EYS: variants seen among roughly 807,000 people sequenced by gnomAD.
The protein encoded by EYS is EGF-like photoreceptor maintenance factor.
Under a neutral mutation model 282.1 loss-of-function variants are expected in EYS, and 250 were observed. The observed-to-expected ratio is 0.89, with a 90% confidence interval of 0.80 to 0.98. The LOEUF is 0.98. EYS is among the 50% of genes least tolerant of loss of function. The pLI is 0.00. For synonymous variants in EYS, 1,355 were observed against 1,282.9 expected (o/e 1.06, Z -1.20); for missense variants, 4,016 against 3,709.0 (o/e 1.08, Z -2.15).
intron 26 of EYS, among the ~76,000 whole-genome samples, chr6:64,493,883 C>A (rs533317612): frequency 6.6e-6 from 1 of 151,582 alleles, no homozygotes; most frequent in African/African-American, 2.4e-5. Context: ...ATTTTTCCTT[C>A]TTTTCAGAAC....
intron 11 of EYS, among the ~76,000 whole-genome samples, chr6:65,316,101 G>A (rs1769288532): frequency 1.3e-5 from 2 of 152,068 alleles, no homozygotes; most frequent in African/African-American, 2.4e-5. Context: ...TCTAGTTATA[G>A]TTAATTTGTA....
chr6:64,137,468 T>C (rs2150285720), intron 31 of EYS, among the ~76,000 whole-genome samples: 1 of 152,288 alleles, frequency 6.6e-6, no homozygotes, highest in African/African-American at 2.4e-5. Flanking sequence ...CTCACGATGC[T>C]TGATCATTTC....
Position 64,843,155 on chromosome 6 carries a change from G to A in EYS, c.2993-20333C>T, listed in dbSNP as rs186744152. On this transcript the variant is annotated intron_variant, in intron 19 of 42. Coordinates refer to ENST00000503581, the MANE Select transcript of EYS (RefSeq NM_001142800.2). ...TCCAGCAGATGTATGGAAATGCCTG[G>A]ATGCCCAGGGAAAAGCTTGTTGCAG... 2.4e-3 allele frequency among the ~76,000 whole-genome samples: 362 copies of A among 152,262 alleles called. 1 individual carries two copies. The highest frequency in any genetic ancestry group is 6.8e-3 in the Middle Eastern group (2 of 292).
chr6:65,698,961 T>C (rs1039481833), intron 1 of EYS, among the ~76,000 whole-genome samples: 5 of 152,224 alleles, frequency 3.3e-5, no homozygotes, highest in Non-Finnish European at 5.9e-5. Context: ...AATGTGTATT[T>C]CTTCAAACTA....
intron 19 of EYS, among the ~76,000 whole-genome samples, chr6:64,828,544 A>G (rs1765126135): frequency 6.6e-6 from 1 of 151,992 alleles, no homozygotes; most frequent in African/African-American, 2.4e-5. Flanking sequence ...GACCAAAACT[A>G]AAATATATGT....
intron 13 of EYS, among the ~76,000 whole-genome samples, chr6:65,037,737 G>A (rs1583422929): frequency 6.6e-6 from 1 of 151,662 alleles, no homozygotes; most frequent in East Asian, 1.9e-4. Flanking sequence ...CAACTGTGTA[G>A]TTTTAGCACC....
intron 31 of EYS, among the ~76,000 whole-genome samples, chr6:64,184,593 C>T (rs1764880967): frequency 6.6e-6 from 1 of 150,420 alleles, no homozygotes; most frequent in South Asian, 2.1e-4. Context: ...TGGCATCTTA[C>T]ACTTTTTCTC....
intron 19 of EYS, among the ~76,000 whole-genome samples, chr6:64,878,365 G>A (rs1311872661): frequency 1.3e-5 from 2 of 152,160 alleles, no homozygotes; most frequent in African/African-American, 2.4e-5. Context: ...TTGTTAGTGC[G>A]AAGATAAAGA....
At chr6:65,240,169 C>T (rs1767022706) in intron 12 of EYS, among the ~76,000 whole-genome samples, 1 of 151,986 alleles carries the variant, frequency 6.6e-6, no homozygotes, top group Admixed American at 6.6e-5. Flanking sequence ...GGGGTTTCAC[C>T]ATGTTAGTCA....
At chr6:64,968,259 A>T (rs902619612) in intron 14 of EYS, among the ~76,000 whole-genome samples, 1 of 152,158 alleles carries the variant, frequency 6.6e-6, no homozygotes, top group African/African-American at 2.4e-5. Flanking sequence ...ACTTGACCCA[A>T]GATTTTTTTT....
chr6:64,477,758 A>C (rs1776317308), intron 26 of EYS, among the ~76,000 whole-genome samples: 1 of 152,152 alleles, frequency 6.6e-6, no homozygotes, highest in Non-Finnish European at 1.5e-5. Context: ...CTCTACTGAG[A>C]TATTGCTTCA....
intron 2 of EYS, among the ~76,000 whole-genome samples, chr6:65,607,812 A>G (rs896156950): frequency 1.3e-5 from 2 of 151,784 alleles, no homozygotes; most frequent in South Asian, 4.1e-4. Flanking sequence ...ATAAAATGCC[A>G]CTCTTATTGT....
intron 35 of EYS, among the ~76,000 whole-genome samples, chr6:63,958,621 A>G (rs1246311667): frequency 6.6e-6 from 1 of 152,244 alleles, no homozygotes; most frequent in Non-Finnish European, 1.5e-5. Flanking sequence ...TATTGGAAGA[A>G]GATGCCTTCT....
chr6:65,169,953 G>C (rs967216345), intron 12 of EYS, among the ~76,000 whole-genome samples: 7 of 151,476 alleles, frequency 4.6e-5, no homozygotes, highest in African/African-American at 1.7e-4. Flanking sequence ...GCCTTGAATT[G>C]TATGCAATAA....
chr6:64,390,016 G>T (rs1445201409), intron 28 of EYS, among the ~76,000 whole-genome samples: 1 of 149,882 alleles, frequency 6.7e-6, no homozygotes. Flanking sequence ...GGTGATGGAT[G>T]GCACCTGGAA....
intron 36 of EYS, among the ~76,000 whole-genome samples, chr6:63,862,091 A>C (rs1181710643): frequency 6.6e-6 from 1 of 151,962 alleles, no homozygotes; most frequent in East Asian, 1.9e-4. Flanking sequence ...CATACTCCTT[A>C]TTCTTTAGGC....
intron 5 of EYS, among the ~76,000 whole-genome samples, chr6:65,466,045 A>T (rs1476875919): frequency 6.6e-6 from 1 of 152,114 alleles, no homozygotes; most frequent in African/African-American, 2.4e-5. Context: ...AGAAAGAAGA[A>T]ATGTTAATGG....
At chr6:64,586,818 T>C (rs1230178919) in intron 26 of EYS, among the ~76,000 whole-genome samples, 1 of 152,102 alleles carries the variant, frequency 6.6e-6, no homozygotes, top group Admixed American at 6.6e-5. Context: ...ACTCTATTTT[T>C]CCTATCCATT....
At chr6:63,995,235 G>A (rs1261193499) in intron 34 of EYS, among the ~76,000 whole-genome samples, 2 of 151,936 alleles carry the variant, frequency 1.3e-5, no homozygotes, top group Non-Finnish European at 2.9e-5. Flanking sequence ...TTAAAAAATA[G>A]GCAAAAGACT....
Sources: allele counts gnomAD v4.1 joint callset (sites outside exome capture counted in the v4.1 genomes callset), GRCh38; gene constraint gnomAD v4.1.1; transcripts MANE v1.5; gene names NCBI Gene and HGNC (gene_info 2026-07-23, HGNC 2026-07-21).